ASCC3: variants seen among roughly 807,000 people sequenced by gnomAD.
The protein encoded by ASCC3 is ASC-1 complex subunit P200.
ASCC3 carries 158 observed loss-of-function variants against 256.3 expected under a neutral mutation model. That is an observed-to-expected ratio of 0.62 (90% CI 0.54 to 0.70). The LOEUF (loss-of-function observed/expected upper bound fraction) is 0.70, where lower values mean the gene tolerates loss of function less well. Ranked by LOEUF, ASCC3 falls within the 30% of genes least tolerant of loss-of-function variation. The pLI, the probability that ASCC3 is intolerant of heterozygous loss-of-function variation, is 0.00. For synonymous variants in ASCC3, 948 were observed against 883.4 expected (o/e 1.07, Z -1.30); for missense variants, 2,259 against 2,626.0 (o/e 0.86, Z 3.05).
chr6:100,700,003 C>G (rs1778278302), intron 13 of ASCC3, among the ~76,000 whole-genome samples: 1 of 152,092 alleles, frequency 6.6e-6, no homozygotes, highest in South Asian at 2.1e-4. Flanking sequence ...AAAAGAAAAT[C>G]CCATTTTCTA....
At chr6:100,869,992 A>T (rs545165159) in intron 1 of ASCC3, among the ~76,000 whole-genome samples, 77 of 152,324 alleles carry the variant, frequency 5.1e-4, no homozygotes, top group African/African-American at 1.8e-3. Context: ...CTGCTAGGAT[A>T]GTCTCAAAAT....
At chr6:100,837,825 T>C (rs539447393) in intron 4 of ASCC3, among the ~76,000 whole-genome samples, 14 of 151,890 alleles carry the variant, frequency 9.2e-5, no homozygotes, top group Admixed American at 2.0e-4. Context: ...TAGTGCACAG[T>C]AGGATGACTA....
intron 34 of ASCC3, among the ~76,000 whole-genome samples, chr6:100,591,432 T>C (rs1771993703): frequency 6.6e-6 from 1 of 152,076 alleles, no homozygotes; most frequent in Non-Finnish European, 1.5e-5. Context: ...AGTCAAACTT[T>C]CTACAATATA....
chr6:100,826,752 C>A (rs1274217680), intron 4 of ASCC3, among the ~76,000 whole-genome samples: 1 of 152,108 alleles, frequency 6.6e-6, no homozygotes, highest in Admixed American at 6.5e-5. Flanking sequence ...AGAATGAAGA[C>A]CTGCTCCCAA....
intron 13 of ASCC3, among the ~76,000 whole-genome samples, chr6:100,710,041 G>A (rs1471886746): frequency 6.6e-6 from 1 of 152,112 alleles, no homozygotes; most frequent in Non-Finnish European, 1.5e-5. Context: ...CTTAGGGCAC[G>A]CATCTTAAAG....
At chr6:100,637,895 G>A (rs1002556757) in intron 25 of ASCC3, among the ~76,000 whole-genome samples, 5 of 152,152 alleles carry the variant, frequency 3.3e-5, no homozygotes, top group African/African-American at 9.7e-5. Context: ...TGTTTCTTGC[G>A]ATAGAATCTA....
intron 36 of ASCC3, among the ~76,000 whole-genome samples, chr6:100,579,888 T>G (rs574445784): frequency 1.3e-5 from 2 of 152,278 alleles, no homozygotes; most frequent in African/African-American, 4.8e-5. Context: ...TTGTTAGAGA[T>G]AGCACTGAAT....
At chr6:100,644,248 T>C in intron 22 of ASCC3, 119 bp from the exon 23 acceptor site, 2 of 726,982 alleles carry the variant, frequency 2.8e-6, no homozygotes, top group East Asian at 2.7e-5. Context: ...AGTTTACTCA[T>C]TTAAACATTT....
At chr6:100,758,118 C>T (rs1781268998) in intron 10 of ASCC3, among the ~76,000 whole-genome samples, 1 of 151,990 alleles carries the variant, frequency 6.6e-6, no homozygotes, top group Admixed American at 6.6e-5. Flanking sequence ...GTCCAGGATG[C>T]AACTGAAAAT....
At position 100,530,470 on chromosome 6, in the gene ASCC3, T is replaced by C. The variant is rs919816440; in HGVS notation, c.5775+9693A>G. ...AAAGGATCACTGGAAAGGAAGAAGT[T>C]AGAACAACTGTACAATAGAGACAAA... On this transcript the variant is annotated intron_variant, in intron 37 of 41. Coordinates refer to ENST00000369162, the MANE Select transcript of ASCC3 (RefSeq NM_006828.4). The C allele has an allele frequency of 3.2e-5, 26 of 801,600 alleles. No homozygotes were observed. The African/African-American group carries it at 4.2e-4, about 13-fold the overall frequency. The allele number at this position is 801,600 out of a possible 1,614,324, so 49.7% of individuals were successfully genotyped here. A position where few individuals can be genotyped will look rare whatever the true frequency, so the allele number is the denominator to read the frequency against.
intron 12 of ASCC3, among the ~76,000 whole-genome samples, chr6:100,716,561 T>C (rs1212998957): frequency 6.6e-6 from 1 of 151,936 alleles, no homozygotes; most frequent in African/African-American, 2.4e-5. Context: ...TAGGATGAGA[T>C]GATCATAGGA....
At chr6:100,565,645 C>A (rs1770203193) in intron 36 of ASCC3, among the ~76,000 whole-genome samples, 1 of 151,960 alleles carries the variant, frequency 6.6e-6, no homozygotes, top group Non-Finnish European at 1.5e-5. Context: ...AACCCCAGGG[C>A]CATGGCTTTC....
At chr6:100,722,594 G>C (rs941448789) in intron 11 of ASCC3, among the ~76,000 whole-genome samples, 1 of 151,706 alleles carries the variant, frequency 6.6e-6, no homozygotes, top group East Asian at 1.9e-4. Flanking sequence ...ATAGCACTTA[G>C]AACTATGTAG....
intron 8 of ASCC3, among the ~76,000 whole-genome samples, chr6:100,783,198 C>T (rs774091346): frequency 6.6e-6 from 1 of 151,978 alleles, no homozygotes; most frequent in Non-Finnish European, 1.5e-5. Context: ...CTTCTCATGC[C>T]CCTTCAAATT....
chr6:100,803,608 A>G (rs925418229), intron 5 of ASCC3, among the ~76,000 whole-genome samples: 1 of 152,140 alleles, frequency 6.6e-6, no homozygotes, highest in South Asian at 2.1e-4. Context: ...GGAGGAAGGC[A>G]GAGTAGAAGT....
intron 36 of ASCC3, among the ~76,000 whole-genome samples, chr6:100,587,461 A>T (rs577397104): frequency 2.2e-4 from 33 of 152,344 alleles, no homozygotes; most frequent in Admixed American, 6.5e-4. Flanking sequence ...AGAAATTAAG[A>T]AAACAGTGTG....
At chr6:100,686,880 T>C (rs1164370921) in intron 13 of ASCC3, among the ~76,000 whole-genome samples, 1 of 152,176 alleles carries the variant, frequency 6.6e-6, no homozygotes, top group East Asian at 1.9e-4. Flanking sequence ...GTCCTTTTTG[T>C]ATATGAAAGA....
chr6:100,799,850 T>C (rs1343331223), intron 6 of ASCC3, among the ~76,000 whole-genome samples: 1 of 152,150 alleles, frequency 6.6e-6, no homozygotes, highest in East Asian at 1.9e-4. Flanking sequence ...GTTTACTTAT[T>C]AAGGTATACA....
At chr6:100,700,727 A>G (rs1023381712) in intron 13 of ASCC3, among the ~76,000 whole-genome samples, 1 of 152,180 alleles carries the variant, frequency 6.6e-6, no homozygotes, top group African/African-American at 2.4e-5. Flanking sequence ...GCCCCACTGG[A>G]TTTTGGACTT....
Sources: gnomAD v4.1 joint callset for allele counts (sites outside exome capture counted in the v4.1 genomes callset) on GRCh38, gnomAD v4.1.1 for gene constraint, MANE v1.5 for transcripts, NCBI Gene and HGNC (gene_info 2026-07-23, HGNC 2026-07-21) for gene names.